The following MSN variants were observed in gnomAD, a reference collection of about 807,000 sequenced individuals.
MSN encodes moesin.
Under a neutral mutation model 48.0 loss-of-function variants are expected in MSN, and 2 were observed. That is an observed-to-expected ratio of 0.04 (90% CI 0.02 to 0.13). The LOEUF is 0.13. Ranked by LOEUF, MSN falls within the 10% of genes least tolerant of loss-of-function variation. MSN has a pLI of 1.00. For missense variants in MSN, 267 were observed against 470.1 expected (o/e 0.57, Z 3.99); for synonymous variants, 146 against 166.9 (o/e 0.87, Z 0.97).
chrX:65,715,233 T>C (rs1282145897), intron 1 of MSN, among the ~76,000 whole-genome samples: 1 of 111,924 alleles, frequency 8.9e-6, no homozygotes, highest in African/African-American at 3.3e-5. Flanking sequence ...CCCTCTAGTA[T>C]CATTTGAAGT....
At chrX:65,627,545 C>A (rs1569455853) in intron 1 of MSN, among the ~76,000 whole-genome samples, 1 of 110,812 alleles carries the variant, frequency 9.0e-6, no homozygotes, top group Admixed American at 9.7e-5. Flanking sequence ...ATGGGAATGA[C>A]CGGCCCCCAT....
intron 1 of MSN, among the ~76,000 whole-genome samples, chrX:65,672,839 C>G (rs1417530625): frequency 4.5e-5 from 5 of 111,525 alleles, no homozygotes; most frequent in African/African-American, 1.3e-4. Context: ...CATTGAGTCT[C>G]TTATATGTAT....
rs769248683 is a variant in MSN, at chrX:65,720,646, C to T, written c.96+3745C>T. Among the ~76,000 whole-genome samples, 6 of 111,895 alleles carry T rather than the reference C, an allele frequency of 5.4e-5. No individual in the cohort carries two copies. The East Asian group carries it at 1.1e-3, about 21-fold the overall frequency. ...TTGGGACCCATCATTCAAGGAGGCCCTCCTGGTAGAGCCTGGGCCTGGGAG... is the reference window on the plus strand; with the variant it reads ...TTGGGACCCATCATTCAAGGAGGCCTTCCTGGTAGAGCCTGGGCCTGGGAG... On this transcript the variant is annotated intron_variant, in intron 2 of 12. Transcript: ENST00000360270.
intron 2 of MSN, among the ~76,000 whole-genome samples, chrX:65,726,241 C>G (rs924341535): frequency 9.0e-6 from 1 of 111,600 alleles, no homozygotes; most frequent in African/African-American, 3.3e-5. Flanking sequence ...CAATTAATCA[C>G]TTGAGAAGCT....
intron 1 of MSN, among the ~76,000 whole-genome samples, chrX:65,631,779 A>G (rs2070560757): frequency 9.0e-6 from 1 of 111,437 alleles, no homozygotes. Context: ...GGCTCAAGTG[A>G]TCCTCTCACC....
intron 1 of MSN, among the ~76,000 whole-genome samples, chrX:65,648,102 A>G (rs1269457585): frequency 1.9e-5 from 2 of 106,378 alleles, no homozygotes; most frequent in Non-Finnish European, 3.9e-5. Context: ...TCATTGATAG[A>G]ACTTAGCAGT....
intron 1 of MSN, among the ~76,000 whole-genome samples, chrX:65,644,562 T>A (rs2070681482): frequency 8.9e-6 from 1 of 111,987 alleles, no homozygotes; most frequent in Non-Finnish European, 1.9e-5. Flanking sequence ...AAATACTATT[T>A]GAGTACAAAG....
intron 1 of MSN, among the ~76,000 whole-genome samples, chrX:65,637,861 C>T (rs111842320): frequency 0.024 from 2,669 of 111,179 alleles, 92 homozygotes; most frequent in African/African-American, 0.083. Flanking sequence ...CATTCGCTGA[C>T]CTTTCTTGTC....
intron 1 of MSN, among the ~76,000 whole-genome samples, chrX:65,633,994 C>T (rs1368888150): frequency 2.7e-5 from 3 of 111,507 alleles, no homozygotes; most frequent in Non-Finnish European, 5.6e-5. Context: ...CCTTCTTCAC[C>T]TTCTTTATCA....
chrX:65,681,319 G>A lies in MSN; in HGVS notation c.12+13466G>A, dbSNP rs777859228. ...TCCTAGGCTTGCTCTTTCATTAAAC[G>A]TGTGCATTTGGAAGCTTCTAGCTCT... On this transcript the variant is annotated intron_variant, in intron 1 of 12. Coordinates refer to ENST00000360270, the MANE Select transcript of MSN (RefSeq NM_002444.3). 6.3e-5 allele frequency among the ~76,000 whole-genome samples: 7 copies of A among 111,980 alleles called. No homozygotes were observed. The East Asian group carries it at 1.7e-3, about 27-fold the overall frequency.
chrX:65,684,658 G>A (rs2071093659), intron 1 of MSN, among the ~76,000 whole-genome samples: 1 of 110,682 alleles, frequency 9.0e-6, no homozygotes, highest in Admixed American at 9.6e-5. Context: ...GGCTGGTCTC[G>A]AACTCCTGAC....
chrX:65,736,559 T>G (rs1189694662), intron 8 of MSN, among the ~76,000 whole-genome samples: 1 of 109,922 alleles, frequency 9.1e-6, no homozygotes, highest in Admixed American at 9.6e-5. Flanking sequence ...CTCAGCCTCC[T>G]GAGTAGCTAG....
chrX:65,729,969 C>T (rs1364151355), intron 4 of MSN, among the ~76,000 whole-genome samples: 3 of 112,400 alleles, frequency 2.7e-5, no homozygotes, highest in Non-Finnish European at 3.8e-5. Context: ...GAGGCAGGTG[C>T]TTATATAGAA....
intron 1 of MSN, among the ~76,000 whole-genome samples, chrX:65,633,493 T>A (rs889644208): frequency 1.8e-5 from 2 of 112,439 alleles, no homozygotes; most frequent in Non-Finnish European, 3.8e-5. Flanking sequence ...TAAACCCAGA[T>A]CCCAGATTTC....
chrX:65,703,648 C>T (rs1431237978), intron 1 of MSN, among the ~76,000 whole-genome samples: 2 of 111,871 alleles, frequency 1.8e-5, no homozygotes, highest in Non-Finnish European at 3.8e-5. Context: ...GCAACCTCTG[C>T]CTCCTGTGTT....
At chrX:65,677,215 G>T (rs1301014799) in intron 1 of MSN, among the ~76,000 whole-genome samples, 1 of 111,503 alleles carries the variant, frequency 9.0e-6, no homozygotes, top group African/African-American at 3.3e-5. Context: ...TTTAACTGAG[G>T]TTGACTAATC....
intron 1 of MSN, among the ~76,000 whole-genome samples, chrX:65,603,204 G>C (rs2070252075): frequency 8.9e-6 from 1 of 111,900 alleles, no homozygotes; most frequent in South Asian, 3.7e-4. Flanking sequence ...TGAGGCAGGA[G>C]AATCACTTGA....
chrX:65,693,304 A>G (rs776351454), intron 1 of MSN, among the ~76,000 whole-genome samples: 8 of 111,926 alleles, frequency 7.1e-5, no homozygotes, highest in African/African-American at 2.6e-4. Flanking sequence ...TTGTGTCTCT[A>G]TCTCCTTCAG....
At chrX:65,739,695 C>T (rs1199347638) in intron 12 of MSN, 34 bp from the exon 13 acceptor site, 1 of 1,180,798 alleles carries the variant, frequency 8.5e-7, no homozygotes. Flanking sequence ...TGAGAGAAAG[C>T]CATTGACCTC....
Sources: allele counts gnomAD v4.1 joint callset (sites outside exome capture counted in the v4.1 genomes callset), GRCh38; gene constraint gnomAD v4.1.1; transcripts MANE v1.5; gene names NCBI Gene and HGNC (gene_info 2026-07-23, HGNC 2026-07-21).